Variants in SH3RF3 observed in about 807,000 individuals in gnomAD.
The protein encoded by SH3RF3 is E3 ubiquitin-protein ligase SH3RF3.
Under a neutral mutation model 66.3 loss-of-function variants are expected in SH3RF3, and 29 were observed. That is an observed-to-expected ratio of 0.44 (90% CI 0.33 to 0.60). The LOEUF (loss-of-function observed/expected upper bound fraction) is 0.60. Among genes scored for constraint, SH3RF3 ranks in the 20% least tolerant of loss-of-function variants. The probability of loss-of-function intolerance (pLI) is 0.04; values close to 1 mark genes in which losing one functional copy is unlikely to be tolerated. For synonymous variants in SH3RF3, 583 were observed against 532.0 expected, an observed-to-expected ratio of 1.10 and a Z score of -1.32; for missense variants, 1,194 against 1,190.9, an observed-to-expected ratio of 1.00 and a Z score of -0.04.
At chr2:109,389,564 C>T (rs1224146554) in intron 3 of SH3RF3, among the ~76,000 whole-genome samples, 1 of 152,218 alleles carries the variant, frequency 6.6e-6, no homozygotes, top group Non-Finnish European at 1.5e-5. Context: ...TTGAAAACCA[C>T]TGCTCTAAGC....
intron 4 of SH3RF3, among the ~76,000 whole-genome samples, chr2:109,400,238 A>G (rs1300506463): frequency 6.6e-6 from 1 of 151,830 alleles, no homozygotes; most frequent in East Asian, 1.9e-4. Context: ...ACACACACAC[A>G]TATTACATGG....
chr2:109,465,725 A>C (rs1678323974), intron 8 of SH3RF3, among the ~76,000 whole-genome samples: 1 of 152,216 alleles, frequency 6.6e-6, no homozygotes, highest in Admixed American at 6.5e-5. Context: ...GGAAGCTTCC[A>C]ATCATGGCGG....
chr2:109,133,843 A>G (rs1676754571), intron 1 of SH3RF3, among the ~76,000 whole-genome samples: 1 of 151,906 alleles, frequency 6.6e-6, no homozygotes, highest in South Asian at 2.1e-4. Flanking sequence ...AGGACAACAG[A>G]TCCCTGATAA....
At position 109,129,921 on chromosome 2, in the gene SH3RF3, G is replaced by A. The variant is rs369119361; in HGVS notation, c.381G>A (p.Ala127=). Residue 127 remains alanine (A), a synonymous_variant, in exon 1 of 10, where the codon GCG becomes GCA. Coordinates refer to ENST00000309415, the MANE Select transcript of SH3RF3 (RefSeq NM_001099289.3). ...ACGGCATCCGTCAGCGGCCCCGCGCGGGCACCAGCCCCGGCGGCAGCCCGC... is the reference window on the plus strand; with the variant it reads ...ACGGCATCCGTCAGCGGCCCCGCGCAGGCACCAGCCCCGGCGGCAGCCCGC... The part of the protein sequence containing the change: ...LLDGIRQRPR[A]GTSPGGSPPA... The A allele has an allele frequency of 4.7e-6, 7 of 1,499,444 alleles. No individual in the cohort carries two copies. The highest frequency in any genetic ancestry group is 2.1e-5 in the Admixed American group (1 of 47,624). 92.9% of individuals were successfully genotyped at this position (1,499,444 alleles called of 1,614,324 possible).
intron 4 of SH3RF3, among the ~76,000 whole-genome samples, chr2:109,412,874 A>T (rs1676631626): frequency 6.6e-6 from 1 of 152,218 alleles, no homozygotes; most frequent in African/African-American, 2.4e-5. Flanking sequence ...CACTGTCAGA[A>T]ATTAGATAAG....
At chr2:109,474,142 G>T (rs1407298540) in intron 8 of SH3RF3, among the ~76,000 whole-genome samples, 1 of 152,140 alleles carries the variant, frequency 6.6e-6, no homozygotes, top group Non-Finnish European at 1.5e-5. Context: ...GACGCAGGTG[G>T]CCAGGGAAGC....
chr2:109,426,975 TA>T (rs1677041169), intron 5 of SH3RF3, among the ~76,000 whole-genome samples: 2 of 105,990 alleles, frequency 1.9e-5, no homozygotes, highest in East Asian at 2.5e-4. Context: ...TATATATATA[TA>T]TATTTTTTTT....
At chr2:109,346,762 C>G (rs766771621) in intron 1 of SH3RF3, among the ~76,000 whole-genome samples, 29 of 152,146 alleles carry the variant, frequency 1.9e-4, no homozygotes, top group Non-Finnish European at 3.4e-4. Context: ...GAGCTAGTCA[C>G]GGTTTGAGAC....
At chr2:109,489,378 G>T (rs773806710) in intron 8 of SH3RF3, among the ~76,000 whole-genome samples, 1 of 152,362 alleles carries the variant, frequency 6.6e-6, no homozygotes, top group Non-Finnish European at 1.5e-5. Context: ...GGCCTGGGGG[G>T]ACTTGGCTGG....
At chr2:109,139,642 AC>A (rs1558921036) in intron 1 of SH3RF3, among the ~76,000 whole-genome samples, 2 of 152,182 alleles carry the variant, frequency 1.3e-5, no homozygotes, top group Non-Finnish European at 1.5e-5. Flanking sequence ...TGACTTGTGT[AC>A]AGTAACAAGA....
At chr2:109,500,044 G>C (rs538224248) in intron 9 of SH3RF3, among the ~76,000 whole-genome samples, 1 of 152,278 alleles carries the variant, frequency 6.6e-6, no homozygotes, top group South Asian at 2.1e-4. Context: ...TGGACATGCT[G>C]ACGTGCTCAC....
chr2:109,344,922 A>G (rs989767290), intron 1 of SH3RF3, among the ~76,000 whole-genome samples: 1 of 152,136 alleles, frequency 6.6e-6, no homozygotes, highest in African/African-American at 2.4e-5. Context: ...GGGACATCAC[A>G]GGCACAGGTT....
chr2:109,237,273 T>C (rs1032194974), intron 1 of SH3RF3, among the ~76,000 whole-genome samples: 1 of 152,194 alleles, frequency 6.6e-6, no homozygotes, highest in African/African-American at 2.4e-5. Flanking sequence ...CAATAATTAA[T>C]GTTGGAAGAC....
intron 2 of SH3RF3, among the ~76,000 whole-genome samples, chr2:109,366,398 T>A (rs997102590): frequency 1.3e-5 from 2 of 152,180 alleles, no homozygotes; most frequent in African/African-American, 4.8e-5. Context: ...TAGACTAAAT[T>A]AAGTGGAAAA....
At chr2:109,399,756 A>T (rs1275881819) in intron 4 of SH3RF3, among the ~76,000 whole-genome samples, 2 of 152,234 alleles carry the variant, frequency 1.3e-5, no homozygotes, top group African/African-American at 4.8e-5. Flanking sequence ...TTTCCCCTTT[A>T]TGAATGCAGA....
chr2:109,409,949 G>A (rs924026515), intron 4 of SH3RF3, among the ~76,000 whole-genome samples: 1 of 152,148 alleles, frequency 6.6e-6, no homozygotes, highest in Non-Finnish European at 1.5e-5. Flanking sequence ...TAAATGAGGA[G>A]ATGTTTCTTC....
At chr2:109,426,979 T>TA (rs1491219310) in intron 5 of SH3RF3, among the ~76,000 whole-genome samples, 383 of 34,424 alleles carry the variant, frequency 0.011, 1 homozygote, top group African/African-American at 0.05. Flanking sequence ...TATATATATA[T>TA]TTTTTTTTGA....
chr2:109,422,278 G>C (rs557915369), intron 5 of SH3RF3, among the ~76,000 whole-genome samples: 257 of 152,354 alleles, frequency 1.7e-3, no homozygotes, highest in African/African-American at 6.0e-3. Flanking sequence ...AGATGGGGCT[G>C]ATGTGAAAGT....
At chr2:109,360,835 C>A (rs970039749) in intron 2 of SH3RF3, among the ~76,000 whole-genome samples, 1 of 152,124 alleles carries the variant, frequency 6.6e-6, no homozygotes, top group African/African-American at 2.4e-5. Flanking sequence ...ATTGTATTAT[C>A]AAATATTTTT....
Sources: allele counts gnomAD v4.1 joint callset (sites outside exome capture counted in the v4.1 genomes callset), GRCh38; gene constraint gnomAD v4.1.1; transcripts MANE v1.5; gene names NCBI Gene and HGNC (gene_info 2026-07-23, HGNC 2026-07-21).